VAMP2: variants seen among roughly 807,000 people sequenced by gnomAD.
VAMP2 encodes the protein vesicle associated membrane protein 2, also known as vesicle-associated membrane protein 2.
For missense variants in VAMP2, 95 were observed against 151.3 expected (o/e 0.63, Z 1.95); for synonymous variants, 67 against 57.3 (o/e 1.17, Z -0.76).
At chr17:8,162,842 G>A (rs1983360379) in intron 1 of VAMP2, 36 bp downstream of exon 1, 2 of 1,213,932 alleles carry the variant, frequency 1.6e-6, no homozygotes, top group Non-Finnish European at 2.0e-6. Context: ...GGCCGGCGCA[G>A]GGAAGCGCGG....
chr17:8,162,160 G>GT (rs1983333571), intron 2 of VAMP2, 89 bp downstream of exon 2: 5 of 1,480,248 alleles, frequency 3.4e-6, no homozygotes, highest in Non-Finnish European at 4.5e-6. Flanking sequence ...GGCGTGAACT[G>GT]TCATCACTCC....
In VAMP2 at chr17:8,161,479, T is replaced by G. The variant is rs753946523; in HGVS notation, c.328A>C (p.Ile110Leu). Residue 110 changes from isoleucine to leucine, a missense_variant, in exon 4 of 5, where the codon ATC becomes CTC. Coordinates refer to ENST00000316509, the MANE Select transcript of VAMP2 (RefSeq NM_014232.3). The stretch of plus-strand genomic sequence containing the variant: ...CCATTCTCACCCTACTCACCTATGA[T>G]GATGATGAGGATGATGGCGCAAATC... The part of the protein sequence containing the change: ...GVICAIILII[I>L]IVYFST 74 of 1,613,972 alleles carry G rather than the reference T, an allele frequency of 4.6e-5. No homozygotes were observed. Among genetic ancestry groups the G allele is most frequent in the Non-Finnish European group, 5.9e-5 (70 of 1,180,000 alleles).
Position 8,160,755 on chromosome 17 carries a change from T to C in VAMP2, c.*100A>G, listed in dbSNP as rs531144148. ...ACACACGGACACACACACACACGGA[T>C]CCAGGGGAGTGGGGGCTGAAAGATA... is the stretch of plus-strand genomic sequence containing the variant. On this transcript the variant is annotated 3_prime_UTR_variant, in exon 5 of 5. Transcript: ENST00000316509. 6.1e-6 allele frequency: 8 copies of C among 1,307,780 alleles called. No individual in the cohort carries two copies. The East Asian group carries it at 1.7e-4, about 27-fold the overall frequency. The allele number at this position is 1,307,780 out of a possible 1,614,324, so 81.0% of individuals were successfully genotyped here.
At chr17:8,161,449 C>T (rs1389023581) in intron 4 of VAMP2, 24 bp downstream of exon 4, 1 of 1,613,622 alleles carries the variant, frequency 6.2e-7, no homozygotes, top group Non-Finnish European at 8.5e-7. Context: ...GGGAAAGGGC[C>T]CCGGCCATTC....
chr17:8,160,598 G>A lies in VAMP2; in HGVS notation c.*257C>T, dbSNP rs1301811127. On this transcript the variant is annotated 3_prime_UTR_variant, in exon 5 of 5. Coordinates refer to ENST00000316509, the MANE Select transcript of VAMP2 (RefSeq NM_014232.3). ...GAAAGGGAAGGAAGGCAAGAGAGAGGGGTGAAGGGAACCTCAGGAAGGGGT... is the reference window on the plus strand; with the variant it reads ...GAAAGGGAAGGAAGGCAAGAGAGAGAGGTGAAGGGAACCTCAGGAAGGGGT... 7.9e-6 allele frequency: 2 copies of A among 252,674 alleles called. No homozygotes were observed. Among genetic ancestry groups the A allele is most frequent in the Non-Finnish European group, 1.5e-5 (2 of 136,212 alleles). 15.7% of individuals were successfully genotyped at this position (252,674 alleles called of 1,614,324 possible).
intron 2 of VAMP2, 127 bp from the exon 3 acceptor site, chr17:8,161,893 A>G: frequency 7.1e-7 from 1 of 1,411,420 alleles, no homozygotes; most frequent in Non-Finnish European, 9.6e-7. Context: ...TAACATGCCA[A>G]GGACACACAG....
intron 1 of VAMP2, 110 bp downstream of exon 1, chr17:8,162,768 C>G: frequency 8.1e-7 from 1 of 1,241,206 alleles, no homozygotes; most frequent in Non-Finnish European, 1.0e-6. Flanking sequence ...TGGGCCTGGC[C>G]CCGGGGCGCG....
chr17:8,161,913 A>G, intron 2 of VAMP2, 147 bp from the exon 3 acceptor site: 2 of 1,295,844 alleles, frequency 1.5e-6, no homozygotes, highest in African/African-American at 1.5e-5. Flanking sequence ...GAACATGCCT[A>G]GCACACCTGG....
At chr17:8,160,937 C>T (rs1245639397) in intron 4 of VAMP2, 66 bp from the exon 5 acceptor site, 3 of 1,434,286 alleles carry the variant, frequency 2.1e-6, no homozygotes, top group African/African-American at 1.4e-5. Context: ...AACAAGAAAG[C>T]AGTGTGTCAG....
intron 3 of VAMP2, 35 bp from the exon 4 acceptor site, chr17:8,161,559 T>C: frequency 6.2e-7 from 1 of 1,614,074 alleles, no homozygotes; most frequent in African/African-American, 1.3e-5. Flanking sequence ...TAAGACAAAC[T>C]ATGATACCCC....
At chr17:8,162,742 C>T in intron 1 of VAMP2, 136 bp downstream of exon 1, 2 of 1,276,050 alleles carry the variant, frequency 1.6e-6, no homozygotes, top group Non-Finnish European at 2.0e-6. Context: ...CGGCCGCCCG[C>T]GCGCAGTCAC....
chr17:8,162,114 G>A (rs1362087762), intron 2 of VAMP2, 135 bp downstream of exon 2: 3 of 1,386,070 alleles, frequency 2.2e-6, no homozygotes, highest in Non-Finnish European at 2.9e-6. Flanking sequence ...CAGGGAGACA[G>A]GGATGGGGCA....
intron 4 of VAMP2, chr17:8,161,200 C>T: frequency 1.7e-6 from 1 of 574,956 alleles, no homozygotes. Flanking sequence ...TCCTCAATTC[C>T]AGGGTTCTCA....
In VAMP2 at chr17:8,160,758, AG is replaced by A; in HGVS notation, c.*96del. On this transcript the variant is annotated 3_prime_UTR_variant, in exon 5 of 5. Coordinates refer to ENST00000316509, the MANE Select transcript of VAMP2 (RefSeq NM_014232.3). ...CACGGACACACACACACACGGATCC[AG>A]GGGAGTGGGGGCTGAAAGATATGGC... is the stretch of plus-strand genomic sequence containing the variant. 7.8e-7 allele frequency: 1 copy of A among 1,275,302 alleles called. No homozygotes were observed. The highest frequency in any genetic ancestry group is 2.1e-5 in the Admixed American group (1 of 48,558). 79.0% of individuals were successfully genotyped at this position (1,275,302 alleles called of 1,614,324 possible).
In VAMP2 at chr17:8,159,165, A is replaced by G. The variant is rs1040919086; in HGVS notation, c.*1690T>C. 1.5e-5 allele frequency: 2 copies of G among 129,394 alleles called. No individual in the cohort carries two copies. The highest frequency in any genetic ancestry group is 9.1e-5 in the Admixed American group (1 of 11,022). 8.0% of individuals were successfully genotyped at this position (129,394 alleles called of 1,614,324 possible). On this transcript the variant is annotated 3_prime_UTR_variant, in exon 5 of 5. Coordinates refer to ENST00000316509, the MANE Select transcript of VAMP2 (RefSeq NM_014232.3). ...GACAACACCTGGTTACTCATTACAC[A>G]TTTATTGTACATTTTCACAATCTGG...
chr17:8,161,488 G>T lies in VAMP2; in HGVS notation c.319C>A (p.Leu107Ile), dbSNP rs1983311076. 4 of 1,614,134 alleles carry T rather than the reference G, an allele frequency of 2.5e-6. No individual in the cohort carries two copies. The highest frequency in any genetic ancestry group is 2.2e-5 in the East Asian group (1 of 44,886). The change falls in exon 4 of 5, where the codon CTC (leucine) becomes ATC (isoleucine). Residue 107 changes from leucine to isoleucine, a missense_variant. Leu to Ile is a conservative substitution (Grantham distance 5). Coordinates refer to ENST00000316509, the MANE Select transcript of VAMP2 (RefSeq NM_014232.3). ...IILGVICAII[L>I]IIIIVYFST ...CCCTACTCACCTATGATGATGATGAGGATGATGGCGCAAATCACTCCCAAG... is the reference window on the plus strand; with the variant it reads ...CCCTACTCACCTATGATGATGATGATGATGATGGCGCAAATCACTCCCAAG...
intron 1 of VAMP2, chr17:8,162,597 T>C: frequency 7.0e-7 from 1 of 1,430,788 alleles, no homozygotes; most frequent in African/African-American, 1.5e-5. Flanking sequence ...GAGGGCGACC[T>C]CACAGATGCG....
chr17:8,161,006 C>T, intron 4 of VAMP2, 135 bp from the exon 5 acceptor site: 1 of 703,994 alleles, frequency 1.4e-6, no homozygotes, highest in Non-Finnish European at 2.4e-6. Context: ...CTCTTGGACT[C>T]AGTTTTTCCA....
chr17:8,160,020 T>A lies in VAMP2; in HGVS notation c.*835A>T, dbSNP rs1054487046. 6.6e-6 allele frequency: 1 copy of A among 151,996 alleles called. No individual in the cohort carries two copies. Among genetic ancestry groups the A allele is most frequent in the African/African-American group, 2.4e-5 (1 of 41,236 alleles). The allele number at this position is 151,996 out of a possible 1,614,324, so 9.4% of individuals were successfully genotyped here. On this transcript the variant is annotated 3_prime_UTR_variant, in exon 5 of 5. Coordinates refer to ENST00000316509, the MANE Select transcript of VAMP2 (RefSeq NM_014232.3). ...AGGAGGGTACAAGAGGTTTGGAAAA[T>A]GAGGGTAAGGGAGGCAAACTGGACT...
Sources: gnomAD v4.1 joint callset for allele counts on GRCh38, gnomAD v4.1.1 for gene constraint, MANE v1.5 for transcripts, NCBI Gene and HGNC (gene_info 2026-07-23, HGNC 2026-07-21) for gene names.